The following ANGPTL2 variants were observed in gnomAD, a reference collection of about 807,000 sequenced individuals.
The protein encoded by ANGPTL2 is angiopoietin like 2, also known as angiopoietin-related protein 2.
In ANGPTL2, 25 loss-of-function variants were observed where a neutral mutation model predicts 52.8. The observed-to-expected ratio is 0.47, with a 90% CI of 0.35 to 0.66. The LOEUF is 0.66. Among genes scored for constraint, ANGPTL2 ranks in the 30% least tolerant of loss-of-function variants. ANGPTL2 has a pLI of 0.01. For missense variants in ANGPTL2, 546 were observed against 656.9 expected (o/e 0.83, Z 1.84); for synonymous variants, 276 against 277.4 (o/e 1.00, Z 0.05).
chr9:127,093,425 C>G (rs148243491), intron 3 of ANGPTL2, among the ~76,000 whole-genome samples: 222 of 152,274 alleles, frequency 1.5e-3, no homozygotes, highest in Non-Finnish European at 2.4e-3. Context: ...CCCTGGGCCC[C>G]CATACCAGCG....
Position 127,091,560 on chromosome 9 carries a change from T to G in ANGPTL2, c.1282+110A>C. ...ACAGGGTCAGGCAGCTTGGCCCAGCTGCTTCTCACCCTGGGATCTTCCCGT... is the reference window on the plus strand; with the variant it reads ...ACAGGGTCAGGCAGCTTGGCCCAGCGGCTTCTCACCCTGGGATCTTCCCGT... On this transcript the variant is annotated intron_variant, in intron 4 of 4. Transcript: ENST00000373425. The surrounding 1 kb of genome is among the most constrained non-coding windows in gnomAD (Gnocchi z 4.3). 5 of 1,448,512 alleles carry G rather than the reference T, an allele frequency of 3.5e-6. No homozygotes were observed. Among genetic ancestry groups the G allele is most frequent in the Non-Finnish European group, 4.6e-6 (5 of 1,076,978 alleles). 89.7% of individuals were successfully genotyped at this position (1,448,512 alleles called of 1,614,324 possible).
chr9:127,089,145 G>A lies in ANGPTL2; in HGVS notation c.1283-7C>T, dbSNP rs1485865352. On this transcript the variant is annotated splice_polypyrimidine_tract_variant and splice_region_variant and intron_variant, in intron 4 of 4. Transcript: ENST00000373425. ...TGGTAGTGGGCACAGTTTCCTGCAA[G>A]AGAGAAGGCAGTGAGAGGGTGTCTG... The A allele has an allele frequency of 1.2e-6, 2 of 1,614,140 alleles. No homozygotes were observed. The highest frequency in any genetic ancestry group is 8.5e-7 in the Non-Finnish European group (1 of 1,180,000).
intron 2 of ANGPTL2, among the ~76,000 whole-genome samples, chr9:127,105,033 A>G (rs2054085014): frequency 6.6e-6 from 1 of 152,084 alleles, no homozygotes; most frequent in African/African-American, 2.4e-5. Context: ...TTAGTCCTCA[A>G]CACCAGGAGA....
intron 2 of ANGPTL2, 130 bp downstream of exon 2, chr9:127,107,785 C>A: frequency 1.1e-6 from 1 of 935,314 alleles, no homozygotes; most frequent in South Asian, 2.2e-5. Flanking sequence ...CAAGGGATTG[C>A]TGGGGGATTG....
chr9:127,118,510 G>A (rs967277152), intron 1 of ANGPTL2, among the ~76,000 whole-genome samples: 21 of 152,096 alleles, frequency 1.4e-4, no homozygotes, highest in Non-Finnish European at 2.5e-4. Flanking sequence ...GCAGGCTGGG[G>A]TGGAACCAGC....
chr9:127,111,989 T>G lies in ANGPTL2; in HGVS notation c.-49-3209A>C, dbSNP rs75655143. Among the ~76,000 whole-genome samples the G allele has an allele frequency of 5.4e-3, 821 of 152,382 alleles. 25 individuals are homozygous for G. The East Asian group carries it at 0.085, about 16-fold the overall frequency. Reference sequence around the variant, plus strand: ...CAGGACCTAAAGATTTTGTCCTCCCTGAACCCCTTTGGGGGCTTCTCCAGT... The same window carrying G: ...CAGGACCTAAAGATTTTGTCCTCCCGGAACCCCTTTGGGGGCTTCTCCAGT... On this transcript the variant is annotated intron_variant, in intron 1 of 4. Transcript: ENST00000373425.
chr9:127,117,873 G>A (rs2055599273), intron 1 of ANGPTL2, among the ~76,000 whole-genome samples: 1 of 152,224 alleles, frequency 6.6e-6, no homozygotes. Flanking sequence ...GGCATCTCTT[G>A]AAGATAAGAA....
chr9:127,114,238 G>T (rs2055166382), intron 1 of ANGPTL2, among the ~76,000 whole-genome samples: 1 of 152,128 alleles, frequency 6.6e-6, no homozygotes, highest in South Asian at 2.1e-4. Context: ...TTATATTGTA[G>T]CAATTTTCTG....
chr9:127,091,581 C>T lies in ANGPTL2; in HGVS notation c.1282+89G>A, dbSNP rs2052480166. On this transcript the variant is annotated intron_variant, in intron 4 of 4. Coordinates refer to ENST00000373425, the MANE Select transcript of ANGPTL2 (RefSeq NM_012098.3). This position sits in a 1 kb window ranked among gnomAD's most constrained non-coding sequence, Gnocchi z 4.3. ...CAGCTGCTTCTCACCCTGGGATCTT[C>T]CCGTTTCCAAGCCCTGGAGTCAGGG... is the stretch of plus-strand genomic sequence containing the variant. The T allele has an allele frequency of 2.6e-6, 4 of 1,518,020 alleles. No individual in the cohort carries two copies. Among genetic ancestry groups the T allele is most frequent in the Non-Finnish European group, 3.5e-6 (4 of 1,130,366 alleles). The allele number at this position is 1,518,020 out of a possible 1,614,324, so 94.0% of individuals were successfully genotyped here. A position where few individuals can be genotyped will look rare whatever the true frequency, so the allele number is the denominator to read the frequency against.
In ANGPTL2 at chr9:127,120,744, C is replaced by T. The variant is rs576452422; in HGVS notation, c.-50+1571G>A. Reference sequence around the variant, plus strand: ...TCGGGAGGCTGAGGCAGGAGAATGGCGTGAACCCAGCAGGCGGAGTTTGCA... The same window carrying T: ...TCGGGAGGCTGAGGCAGGAGAATGGTGTGAACCCAGCAGGCGGAGTTTGCA... On this transcript the variant is annotated intron_variant, in intron 1 of 4. Transcript: ENST00000373425. Among the ~76,000 whole-genome samples, 10 of 151,870 alleles carry T rather than the reference C, an allele frequency of 6.6e-5. No homozygotes were observed. The Middle Eastern group carries it at 0.01, about 155-fold the overall frequency.
chr9:127,105,335 A>C (rs562672559), intron 2 of ANGPTL2, among the ~76,000 whole-genome samples: 1 of 152,216 alleles, frequency 6.6e-6, no homozygotes, highest in East Asian at 1.9e-4. Context: ...AGTGCAGGAC[A>C]CTTGGATACA....
rs1303379294 is a variant in ANGPTL2, at chr9:127,091,300, C to G, written c.1282+370G>C. On this transcript the variant is annotated intron_variant, in intron 4 of 4. Coordinates refer to ENST00000373425, the MANE Select transcript of ANGPTL2 (RefSeq NM_012098.3). The surrounding 1 kb of genome is among the most constrained non-coding windows in gnomAD (Gnocchi z 4.3). Reference sequence around the variant, plus strand: ...AGCACTGGAGCCCAGGTGTGTGGCCCAGAGCCTACGCAGTTGGTTAGCTCT... The same window carrying G: ...AGCACTGGAGCCCAGGTGTGTGGCCGAGAGCCTACGCAGTTGGTTAGCTCT... Among the ~76,000 whole-genome samples the G allele has an allele frequency of 6.6e-6, 1 of 152,212 alleles. No homozygotes were observed. The highest frequency in any genetic ancestry group is 6.5e-5 in the Admixed American group (1 of 15,290).
At chr9:127,121,994 G>A (rs977830714) in intron 1 of ANGPTL2, among the ~76,000 whole-genome samples, 6 of 152,108 alleles carry the variant, frequency 3.9e-5, no homozygotes, top group African/African-American at 1.4e-4. Context: ...CTACACACAC[G>A]CACACTCCCA....
chr9:127,112,373 C>CA (rs1259835680), intron 1 of ANGPTL2, among the ~76,000 whole-genome samples: 1 of 152,234 alleles, frequency 6.6e-6, no homozygotes, highest in East Asian at 1.9e-4. Flanking sequence ...CCTGCTGGGC[C>CA]AACGCCTTCT....
intron 1 of ANGPTL2, among the ~76,000 whole-genome samples, chr9:127,111,995 C>A (rs1271697147): frequency 6.6e-6 from 1 of 152,224 alleles, no homozygotes; most frequent in Non-Finnish European, 1.5e-5. Flanking sequence ...TCCCTGAACC[C>A]CTTTGGGGGC....
In ANGPTL2 at chr9:127,108,372, C is replaced by T; in HGVS notation, c.360G>A (p.Val120=). 2.5e-6 allele frequency: 4 copies of T among 1,610,656 alleles called. No homozygotes were observed. The highest frequency in any genetic ancestry group is 3.4e-6 in the Non-Finnish European group (4 of 1,178,372). Residue 120 remains valine, a synonymous_variant, in exon 2 of 5, where the codon GTG becomes GTA. Coordinates refer to ENST00000373425, the MANE Select transcript of ANGPTL2 (RefSeq NM_012098.3). ...TGCGGCTCTCCTTGCGCAGCAGCTT[C>T]ACCTCGCTCACAATGCCGCCGTCCA... The part of the protein sequence containing the change: ...VEVDGGIVSE[V]KLLRKESRNM...
At chr9:127,120,637 C>T (rs866470244) in intron 1 of ANGPTL2, among the ~76,000 whole-genome samples, 5 of 152,168 alleles carry the variant, frequency 3.3e-5, no homozygotes, top group Admixed American at 1.3e-4. Flanking sequence ...TCCTGGCTAA[C>T]GTGGTGAAAC....
chr9:127,119,511 T>C (rs892956361), intron 1 of ANGPTL2, among the ~76,000 whole-genome samples: 1 of 152,208 alleles, frequency 6.6e-6, no homozygotes, highest in Non-Finnish European at 1.5e-5. Flanking sequence ...CACATAACTG[T>C]GTGACTTTGG....
rs2051889382 is a variant in ANGPTL2 at position 127,087,431 on chromosome 9, A to G, written c.*1508T>C. ...TTTTTAAAAAAACCCTCCCTTTTAT[A>G]TACACAAAACATGCTACATGGTACA... On this transcript the variant is annotated 3_prime_UTR_variant, in exon 5 of 5. Transcript: ENST00000373425. 6.6e-6 allele frequency: 1 copy of G among 152,626 alleles called. No homozygotes were observed. The highest frequency in any genetic ancestry group is 6.5e-5 in the Admixed American group (1 of 15,292). 9.5% of individuals were successfully genotyped at this position (152,626 alleles called of 1,614,324 possible). A position where few individuals can be genotyped will look rare whatever the true frequency, so the allele number is the denominator to read the frequency against.
Sources: allele counts gnomAD v4.1 joint callset (sites outside exome capture counted in the v4.1 genomes callset), GRCh38; gene constraint gnomAD v4.1.1; non-coding constraint Gnocchi (gnomAD v3.1); transcripts MANE v1.5; gene names NCBI Gene and HGNC (gene_info 2026-07-23, HGNC 2026-07-21).